Variants in RBFOX1 observed in about 807,000 individuals in gnomAD.
RBFOX1 encodes the protein RNA binding fox-1 homolog 1.
A neutral mutation model predicts 57.7 loss-of-function variants in RBFOX1; 8 were observed. The ratio of observed to expected loss-of-function variants is 0.14; its 90% CI spans 0.08 to 0.25. The LOEUF (loss-of-function observed/expected upper bound fraction) is 0.25, where lower values mean the gene tolerates loss of function less well. RBFOX1 is among the 10% of genes least tolerant of loss of function. The probability of loss-of-function intolerance (pLI) is 1.00; values close to 1 mark genes in which losing one functional copy is unlikely to be tolerated. For missense variants in RBFOX1, 611 were observed against 548.5 expected, an observed-to-expected ratio of 1.11 and a Z score of -1.14; for synonymous variants, 326 against 222.4, an observed-to-expected ratio of 1.47 and a Z score of -4.15.
chr16:7,185,977 C>T (rs1034795199), intron 4 of RBFOX1, among the ~76,000 whole-genome samples: 18 of 152,158 alleles, frequency 1.2e-4, no homozygotes, highest in Non-Finnish European at 4.4e-5. Flanking sequence ...CCATTAGTTC[C>T]TATGTTTATT....
In RBFOX1 at chr16:7,567,269, A is replaced by ATATATATCCCTATATATATCCC. The variant is rs1567864926; in HGVS notation, c.271-12501_271-12500insCCCTATATATATCCCTATATAT. On this transcript the variant is annotated intron_variant, in intron 5 of 15. Transcript: ENST00000550418. Reference sequence around the variant, plus strand: ...TATATCCCTATATATATATATCCCTATATATATATCCCTATATATCCTTAT... The same window carrying ATATATATCCCTATATATATCCC: ...TATATCCCTATATATATATATCCCTATATATATCCCTATATATATCCCTATATATATCCCTATATATCCTTAT... Among the ~76,000 whole-genome samples, 34 of 67,784 alleles carry ATATATATCCCTATATATATCCC rather than the reference A, an allele frequency of 5.0e-4. 3 individuals carry two copies. The highest frequency in any genetic ancestry group is 8.3e-4 in the Non-Finnish European group (28 of 33,870). 44.5% of individuals were successfully genotyped at this position (67,784 alleles called of 152,430 possible).
chr16:7,302,414 A>G (rs1051176058), intron 4 of RBFOX1, among the ~76,000 whole-genome samples: 1 of 152,044 alleles, frequency 6.6e-6, no homozygotes, highest in African/African-American at 2.4e-5. Context: ...TTGGCTGAGG[A>G]TGTCGGGGTG....
At chr16:7,536,140 T>A (rs1422432007) in intron 5 of RBFOX1, among the ~76,000 whole-genome samples, 1 of 152,194 alleles carries the variant, frequency 6.6e-6, no homozygotes, top group Non-Finnish European at 1.5e-5. Flanking sequence ...ATTGGTTGAA[T>A]CTGTGGATGT....
intron 1 of RBFOX1, among the ~76,000 whole-genome samples, chr16:5,313,670 G>A (rs541221015): frequency 6.6e-6 from 1 of 152,198 alleles, no homozygotes; most frequent in Non-Finnish European, 1.5e-5. Context: ...GACAAAGAGA[G>A]AGAGTTTGTG....
intron 4 of RBFOX1, among the ~76,000 whole-genome samples, chr16:7,063,289 G>A (rs1172041773): frequency 6.6e-6 from 1 of 152,034 alleles, no homozygotes; most frequent in Non-Finnish European, 1.5e-5. Flanking sequence ...GTAGGAGTAA[G>A]ATATTCCCCC....
chr16:6,043,350 A>C (rs532534666), intron 1 of RBFOX1, among the ~76,000 whole-genome samples: 1 of 152,248 alleles, frequency 6.6e-6, no homozygotes, highest in Admixed American at 6.5e-5. Flanking sequence ...GATTCAGAAA[A>C]GACAGCTTTG....
chr16:5,891,227 G>A (rs1212656771), intron 4 of RBFOX1, among the ~76,000 whole-genome samples: 1 of 152,096 alleles, frequency 6.6e-6, no homozygotes, highest in African/African-American at 2.4e-5. Flanking sequence ...GAGGGACAGA[G>A]GTGTCCCTGA....
chr16:5,421,293 C>T (rs980310131), intron 1 of RBFOX1, among the ~76,000 whole-genome samples: 4 of 152,178 alleles, frequency 2.6e-5, no homozygotes, highest in African/African-American at 9.7e-5. Flanking sequence ...AGGCCTGAGC[C>T]ACTGTGCCCG....
At chr16:5,717,786 G>C (rs539019192) in intron 3 of RBFOX1, among the ~76,000 whole-genome samples, 6 of 152,258 alleles carry the variant, frequency 3.9e-5, no homozygotes, top group African/African-American at 1.4e-4. Flanking sequence ...GTACTATTCG[G>C]AGGGCCTCCC....
chr16:6,823,883 A>T (rs4786122), intron 3 of RBFOX1, among the ~76,000 whole-genome samples: 2 of 152,062 alleles, frequency 1.3e-5, no homozygotes, highest in South Asian at 2.1e-4. Context: ...GGGATTACAG[A>T]TTGCTGCAAA....
intron 3 of RBFOX1, among the ~76,000 whole-genome samples, chr16:5,758,129 T>G (rs1051091208): frequency 2.6e-5 from 4 of 152,240 alleles, no homozygotes; most frequent in African/African-American, 9.6e-5. Context: ...GAGCAAATGT[T>G]AAATTGAGCC....
chr16:6,253,125 C>G (rs1372190335), intron 1 of RBFOX1, among the ~76,000 whole-genome samples: 3 of 152,168 alleles, frequency 2.0e-5, no homozygotes, highest in Non-Finnish European at 4.4e-5. Flanking sequence ...CATACACACA[C>G]TTACATCTCT....
chr16:7,208,531 G>A (rs2090455740), intron 4 of RBFOX1, among the ~76,000 whole-genome samples: 1 of 152,060 alleles, frequency 6.6e-6, no homozygotes, highest in Non-Finnish European at 1.5e-5. Context: ...GAGGAGCCAG[G>A]CTCTTTTTCA....
At chr16:5,316,386 C>T (rs1395498678) in intron 1 of RBFOX1, among the ~76,000 whole-genome samples, 1 of 152,242 alleles carries the variant, frequency 6.6e-6, no homozygotes, top group East Asian at 1.9e-4. Flanking sequence ...GTGCCCAGCA[C>T]ACTGCCCAGA....
chr16:7,222,727 A>T (rs1432352357), intron 4 of RBFOX1, among the ~76,000 whole-genome samples: 2 of 152,306 alleles, frequency 1.3e-5, no homozygotes, highest in East Asian at 1.9e-4. Flanking sequence ...CCAATGCCTG[A>T]CACACATATG....
intron 1 of RBFOX1, among the ~76,000 whole-genome samples, chr16:6,036,271 A>G (rs17139207): frequency 0.16 from 24,371 of 152,220 alleles, 2,445 homozygotes; most frequent in African/African-American, 0.28. Context: ...CAAGATTTCC[A>G]GAAGTAACTT....
intron 5 of RBFOX1, among the ~76,000 whole-genome samples, chr16:7,560,962 A>T (rs540437787): frequency 2.9e-4 from 44 of 152,130 alleles, no homozygotes; most frequent in African/African-American, 9.6e-4. Context: ...CCATCAGAGA[A>T]CTCATCCGTT....
At chr16:6,407,567 G>GTGTGTGTGTGTC (rs67151505) in intron 2 of RBFOX1, among the ~76,000 whole-genome samples, 10,598 of 144,948 alleles carry the variant, frequency 0.073, 489 homozygotes, top group South Asian at 0.1. Context: ...GTGTGTGTGT[G>GTGTGTGTGTGTC]ACAGAGAGAG....
At chr16:6,913,972 C>T (rs990082748) in intron 3 of RBFOX1, among the ~76,000 whole-genome samples, 2 of 152,206 alleles carry the variant, frequency 1.3e-5, no homozygotes, top group South Asian at 2.1e-4. Flanking sequence ...TACTCCCCAC[C>T]TCATGTATAC....
Sources: gnomAD v4.1 joint callset for allele counts (sites outside exome capture counted in the v4.1 genomes callset) on GRCh38, gnomAD v4.1.1 for gene constraint, MANE v1.5 for transcripts, NCBI Gene and HGNC (gene_info 2026-07-23, HGNC 2026-07-21) for gene names.